Variants in HPSE2 observed in about 807,000 individuals in gnomAD.
HPSE2 encodes the protein inactive heparanase-2.
In HPSE2, 38 loss-of-function variants were observed where a neutral mutation model predicts 60.5. The ratio of observed to expected loss-of-function variants is 0.63; its 90% CI spans 0.48 to 0.82. The LOEUF (loss-of-function observed/expected upper bound fraction) is 0.82. Among genes scored for constraint, HPSE2 ranks in the 40% least tolerant of loss-of-function variants. HPSE2 has a pLI of 0.00. For missense variants in HPSE2, 713 were observed against 740.4 expected (o/e 0.96, Z 0.43); for synonymous variants, 295 against 293.2 (o/e 1.01, Z -0.06).
chr10:98,745,612 C>T (rs532216169), intron 3 of HPSE2, among the ~76,000 whole-genome samples: 1 of 152,312 alleles, frequency 6.6e-6, no homozygotes, highest in African/African-American at 2.4e-5. Context: ...GCCCCATTGA[C>T]CTTTGCTCTC....
intron 3 of HPSE2, among the ~76,000 whole-genome samples, chr10:99,101,117 G>A (rs1483987145): frequency 1.3e-5 from 2 of 152,058 alleles, no homozygotes; most frequent in African/African-American, 4.8e-5. Flanking sequence ...CATAATGACA[G>A]GATAAAATTC....
chr10:98,624,630 AT>A (rs1373480780), intron 7 of HPSE2, among the ~76,000 whole-genome samples: 1 of 152,230 alleles, frequency 6.6e-6, no homozygotes, highest in Admixed American at 6.5e-5. Context: ...TGATACAGTT[AT>A]TTGTATATCA....
intron 3 of HPSE2, among the ~76,000 whole-genome samples, chr10:98,842,959 C>T (rs1384471173): frequency 6.6e-6 from 1 of 151,780 alleles, no homozygotes; most frequent in African/African-American, 2.4e-5. Context: ...GCAGTCTTTT[C>T]ACACAGGCTT....
At chr10:99,095,392 A>G (rs1304789868) in intron 3 of HPSE2, among the ~76,000 whole-genome samples, 1 of 152,156 alleles carries the variant, frequency 6.6e-6, no homozygotes, top group African/African-American at 2.4e-5. Context: ...TGACATTTTT[A>G]AACAGCTTCA....
chr10:98,770,870 G>A (rs1950226575), intron 3 of HPSE2, among the ~76,000 whole-genome samples: 1 of 152,144 alleles, frequency 6.6e-6, no homozygotes, highest in African/African-American at 2.4e-5. Flanking sequence ...AGGGAAAAGG[G>A]GGGCCATCCT....
At chr10:98,833,494 G>A (rs1951727689) in intron 3 of HPSE2, among the ~76,000 whole-genome samples, 3 of 152,102 alleles carry the variant, frequency 2.0e-5, no homozygotes, top group African/African-American at 7.2e-5. Flanking sequence ...TTATTAATAG[G>A]TAACATTCAT....
Position 99,216,188 on chromosome 10 carries a change from C to CTTTTT in HPSE2, c.448+16155_448+16159dup, listed in dbSNP as rs550046406. 4.6e-4 allele frequency among the ~76,000 whole-genome samples: 45 copies of CTTTTT among 97,670 alleles called. 3 individuals are homozygous for CTTTTT. Among genetic ancestry groups the CTTTTT allele is most frequent in the African/African-American group, 1.2e-3 (29 of 23,668 alleles). 64.1% of individuals were successfully genotyped at this position (97,670 alleles called of 152,430 possible). ...CTCGGCAATGGTCTAATAACCTAAA[C>CTTTTT]TTTTTTTTTTTTTTTTTTTTTTTCT... On this transcript the variant is annotated intron_variant, in intron 2 of 11. Transcript: ENST00000370552.
chr10:99,085,963 C>CGT (rs1315310855), intron 3 of HPSE2, among the ~76,000 whole-genome samples: 1 of 152,156 alleles, frequency 6.6e-6, no homozygotes, highest in African/African-American at 2.4e-5. Context: ...TTGCCCTGCC[C>CGT]ATACCTCTGT....
intron 3 of HPSE2, among the ~76,000 whole-genome samples, chr10:98,985,123 C>T (rs186831748): frequency 1.5e-4 from 23 of 152,212 alleles, no homozygotes; most frequent in African/African-American, 5.1e-4. Flanking sequence ...AACATTCAGA[C>T]TCAGGAAATA....
intron 3 of HPSE2, among the ~76,000 whole-genome samples, chr10:98,825,105 G>A (rs763500306): frequency 1.6e-4 from 25 of 152,134 alleles, no homozygotes; most frequent in Non-Finnish European, 3.2e-4. Context: ...TTAAAACCCT[G>A]CTGTAATACT....
chr10:99,156,499 C>A (rs1358422481), intron 2 of HPSE2, among the ~76,000 whole-genome samples: 16 of 131,452 alleles, frequency 1.2e-4, no homozygotes, highest in African/African-American at 3.9e-4. Flanking sequence ...AAGACAAAAA[C>A]CACATGATTA....
chr10:98,751,973 G>A (rs376990247), intron 3 of HPSE2, among the ~76,000 whole-genome samples: 3 of 152,126 alleles, frequency 2.0e-5, no homozygotes, highest in Admixed American at 2.0e-4. Context: ...TAATGCTATT[G>A]CTTAACTCTT....
At chr10:98,596,209 A>G (rs1419476099) in intron 9 of HPSE2, among the ~76,000 whole-genome samples, 1 of 152,166 alleles carries the variant, frequency 6.6e-6, no homozygotes, top group Non-Finnish European at 1.5e-5. Flanking sequence ...GAACAAATAA[A>G]CTTTGATCAC....
chr10:99,222,272 A>T (rs1273632319), intron 2 of HPSE2, among the ~76,000 whole-genome samples: 1 of 152,144 alleles, frequency 6.6e-6, no homozygotes, highest in East Asian at 1.9e-4. Context: ...TTACTAGTAC[A>T]GTTACTTAAC....
intron 3 of HPSE2, among the ~76,000 whole-genome samples, chr10:98,775,691 T>A (rs1950325494): frequency 6.6e-6 from 1 of 152,190 alleles, no homozygotes; most frequent in African/African-American, 2.4e-5. Context: ...CTATCCCTTA[T>A]GGCTTTACCC....
intron 11 of HPSE2, among the ~76,000 whole-genome samples, chr10:98,468,027 G>A (rs888417580): frequency 1.1e-4 from 16 of 152,252 alleles, no homozygotes; most frequent in African/African-American, 3.6e-4. Flanking sequence ...AGTCGGGTCG[G>A]CCCCGCACCT....
At chr10:99,181,017 C>A (rs1355859775) in intron 2 of HPSE2, among the ~76,000 whole-genome samples, 1 of 151,082 alleles carries the variant, frequency 6.6e-6, no homozygotes, top group Non-Finnish European at 1.5e-5. Flanking sequence ...TGTGACGATT[C>A]TTCAAGGATC....
intron 3 of HPSE2, among the ~76,000 whole-genome samples, chr10:99,085,738 A>G (rs1427402648): frequency 1.3e-5 from 2 of 152,252 alleles, no homozygotes; most frequent in Admixed American, 1.3e-4. Flanking sequence ...AGACAAAAAC[A>G]GTAAGAAATG....
At chr10:99,176,516 G>A (rs770570233) in intron 2 of HPSE2, among the ~76,000 whole-genome samples, 35 of 151,926 alleles carry the variant, frequency 2.3e-4, no homozygotes, top group Non-Finnish European at 4.4e-4. Context: ...TGGAAGAAAG[G>A]ATATCAGAGA....
Sources: allele counts gnomAD v4.1 joint callset (sites outside exome capture counted in the v4.1 genomes callset), GRCh38; gene constraint gnomAD v4.1.1; transcripts MANE v1.5; gene names NCBI Gene and HGNC (gene_info 2026-07-23, HGNC 2026-07-21).